The following ESYT2 variants were observed in gnomAD, a reference collection of about 807,000 sequenced individuals.
ESYT2 encodes extended synaptotagmin 2, also known as extended synaptotagmin-2.
Under a neutral mutation model 107.2 loss-of-function variants are expected in ESYT2, and 54 were observed. That is an observed-to-expected ratio of 0.50 (90% CI 0.40 to 0.63). ESYT2 has a LOEUF of 0.63. ESYT2 is among the 30% of genes least tolerant of loss of function. The pLI is 0.00. For missense variants in ESYT2, 1,020 were observed against 1,094.5 expected, an observed-to-expected ratio of 0.93 and a Z score of 0.96; for synonymous variants, 491 against 434.1, an observed-to-expected ratio of 1.13 and a Z score of -1.63.
At chr7:158,735,279 T>G (rs1433019978) in intron 21 of ESYT2, among the ~76,000 whole-genome samples, 1 of 152,262 alleles carries the variant, frequency 6.6e-6, no homozygotes, top group Non-Finnish European at 1.5e-5. Flanking sequence ...GAGATTATTT[T>G]CCTTCAATGT....
At chr7:158,824,288 C>A (rs970753344) in intron 1 of ESYT2, among the ~76,000 whole-genome samples, 2 of 152,198 alleles carry the variant, frequency 1.3e-5, no homozygotes, top group South Asian at 4.1e-4. Context: ...CATGACCACT[C>A]GGATTCAGGT....
At chr7:158,807,890 G>T (rs1839878770) in intron 1 of ESYT2, among the ~76,000 whole-genome samples, 1 of 152,168 alleles carries the variant, frequency 6.6e-6, no homozygotes, top group Admixed American at 6.5e-5. Flanking sequence ...AAACAAAAAG[G>T]AGGCCAGGCT....
chr7:158,806,824 C>T (rs564687556), intron 1 of ESYT2, among the ~76,000 whole-genome samples: 2 of 152,224 alleles, frequency 1.3e-5, no homozygotes, highest in Admixed American at 1.3e-4. Context: ...ACTGAAACAC[C>T]TAAGACAATC....
intron 1 of ESYT2, among the ~76,000 whole-genome samples, chr7:158,812,274 G>A (rs1840013154): frequency 6.6e-6 from 1 of 152,188 alleles, no homozygotes; most frequent in Non-Finnish European, 1.5e-5. Context: ...GTTCTGAGGT[G>A]TGAATATTCC....
chr7:158,810,050 G>A (rs914052190), intron 1 of ESYT2, among the ~76,000 whole-genome samples: 1 of 152,142 alleles, frequency 6.6e-6, no homozygotes, highest in Admixed American at 6.5e-5. Context: ...GAAGACGTGG[G>A]GAAATCGAAC....
intron 1 of ESYT2, among the ~76,000 whole-genome samples, chr7:158,820,053 A>G (rs1248362873): frequency 6.6e-6 from 1 of 152,236 alleles, no homozygotes; most frequent in African/African-American, 2.4e-5. Context: ...CTTTGTACTG[A>G]TACTTTCATC....
rs1836832614 is a variant in ESYT2, at chr7:158,734,089, A to C, written c.*118T>G. 1.7e-6 allele frequency: 2 copies of C among 1,190,798 alleles called. No individual in the cohort carries two copies. The highest frequency in any genetic ancestry group is 2.4e-6 in the Non-Finnish European group (2 of 844,306). 73.8% of individuals were successfully genotyped at this position (1,190,798 alleles called of 1,614,324 possible). On this transcript the variant is annotated 3_prime_UTR_variant, in exon 23 of 23. Coordinates refer to ENST00000275418, the MANE Select transcript of ESYT2 (RefSeq NM_001367773.1). ...TGTCAACAATTTTATAAAACTATTA[A>C]GGTATGTATAACTAAATCCATGAAA... is the stretch of plus-strand genomic sequence containing the variant.
At position 158,732,598 on chromosome 7, in the gene ESYT2, A is replaced by T. The variant is rs1836785780; in HGVS notation, c.*1609T>A. ...ACAAAATCAAAATCTGCTAGAAGGG[A>T]GGGTGGGTAGACAGCCACCAGCCTT... On this transcript the variant is annotated 3_prime_UTR_variant, in exon 23 of 23. Transcript: ENST00000275418. The T allele has an allele frequency of 6.6e-6, 1 of 152,538 alleles. No individual in the cohort carries two copies. Among genetic ancestry groups the T allele is most frequent in the Admixed American group, 6.5e-5 (1 of 15,276 alleles). The allele number at this position is 152,538 out of a possible 1,614,324, so 9.4% of individuals were successfully genotyped here.
intron 1 of ESYT2, among the ~76,000 whole-genome samples, chr7:158,805,344 T>C (rs185585399): frequency 1.3e-3 from 194 of 152,350 alleles, no homozygotes; most frequent in Non-Finnish European, 1.5e-3. Flanking sequence ...AAATGGTATT[T>C]TTTTCAAAGA....
Position 158,777,819 on chromosome 7 carries a change from C to T in ESYT2, c.748-4423G>A, listed in dbSNP as rs193001892. ...CCCAAAACGATTACATTAGAAACAA[C>T]AAAGATCACTGACCACAGATCACAG... is the stretch of plus-strand genomic sequence containing the variant. On this transcript the variant is annotated intron_variant, in intron 6 of 22. Transcript: ENST00000275418. 3.9e-5 allele frequency among the ~76,000 whole-genome samples: 6 copies of T among 152,214 alleles called. No homozygotes were observed. The East Asian group carries it at 1.2e-3, about 29-fold the overall frequency.
intron 6 of ESYT2, among the ~76,000 whole-genome samples, chr7:158,786,265 A>G (rs753317148): frequency 7.2e-5 from 11 of 152,242 alleles, no homozygotes; most frequent in Non-Finnish European, 1.6e-4. Flanking sequence ...TTCTGAAATG[A>G]ACTTTTTAAA....
chr7:158,798,675 G>C (rs1365881003), intron 2 of ESYT2, among the ~76,000 whole-genome samples: 1 of 85,352 alleles, frequency 1.2e-5, no homozygotes, highest in Non-Finnish European at 2.3e-5. Flanking sequence ...AAAAAAAAAA[G>C]ACTGTTATTG....
At chr7:158,776,993 C>G (rs1315683119) in intron 6 of ESYT2, among the ~76,000 whole-genome samples, 1 of 151,964 alleles carries the variant, frequency 6.6e-6, no homozygotes, top group Non-Finnish European at 1.5e-5. Context: ...GCTGGGACTA[C>G]AGGCATACAC....
intron 2 of ESYT2, 55 bp from the exon 3 acceptor site, chr7:158,798,131 C>G (rs1291773635): frequency 6.3e-7 from 1 of 1,591,458 alleles, no homozygotes; most frequent in Non-Finnish European, 8.6e-7. Context: ...GCATGACACA[C>G]ACGAGTGCTC....
chr7:158,826,121 C>T (rs1449812416), intron 1 of ESYT2, among the ~76,000 whole-genome samples: 4 of 152,098 alleles, frequency 2.6e-5, no homozygotes, highest in African/African-American at 9.7e-5. Context: ...CTTTGACCAC[C>T]CCCACCACCC....
rs1308648035 is a variant in ESYT2 at position 158,825,190 on chromosome 7, G to A, written c.330+3899C>T. Reference sequence around the variant, plus strand: ...CGCCTGTACTCCCAGCTACTTGGGAGGCTGAGGCAGGAGAGTCGCTTAAAC... The same window carrying A: ...CGCCTGTACTCCCAGCTACTTGGGAAGCTGAGGCAGGAGAGTCGCTTAAAC... On this transcript the variant is annotated intron_variant, in intron 1 of 22. Transcript: ENST00000275418. Among the ~76,000 whole-genome samples, 4 of 152,214 alleles carry A rather than the reference G, an allele frequency of 2.6e-5. No individual in the cohort carries two copies. In the East Asian group the frequency reaches 7.7e-4, roughly 29 times the overall value.
Position 158,767,578 on chromosome 7 carries a change from C to T in ESYT2, c.924+76G>A, listed in dbSNP as rs921810033. 7 of 1,546,568 alleles carry T rather than the reference C, an allele frequency of 4.5e-6. No homozygotes were observed. In the East Asian group the frequency reaches 1.4e-4, roughly 30 times the overall value. On this transcript the variant is annotated intron_variant, in intron 8 of 22. Coordinates refer to ENST00000275418, the MANE Select transcript of ESYT2 (RefSeq NM_001367773.1). ...GCTGGGGAGAGACAAAGAGTCACAG[C>T]ACCCAATGCCACACCCGCAGGCAGG... is the stretch of plus-strand genomic sequence containing the variant.
intron 6 of ESYT2, among the ~76,000 whole-genome samples, chr7:158,786,219 T>C (rs1344087266): frequency 1.3e-5 from 2 of 152,326 alleles, no homozygotes; most frequent in Non-Finnish European, 2.9e-5. Context: ...CACTATTAAA[T>C]TTTGAAGAAG....
intron 10 of ESYT2, 121 bp downstream of exon 10, chr7:158,762,962 T>C (rs1838025349): frequency 1.6e-6 from 1 of 610,342 alleles, no homozygotes; most frequent in Non-Finnish European, 2.7e-6. Context: ...TTGTTATATC[T>C]AAGAACCATT....
Sources: gnomAD v4.1 joint callset for allele counts (sites outside exome capture counted in the v4.1 genomes callset) on GRCh38, gnomAD v4.1.1 for gene constraint, MANE v1.5 for transcripts, NCBI Gene and HGNC (gene_info 2026-07-23, HGNC 2026-07-21) for gene names.